Variants in PDE3A observed in about 807,000 individuals in gnomAD.
PDE3A encodes the protein cGMP-inhibited 3',5'-cyclic phosphodiesterase 3A.
PDE3A carries 43 observed loss-of-function variants against 98.3 expected under a neutral mutation model. The ratio of observed to expected loss-of-function variants is 0.44; its 90% CI spans 0.34 to 0.56. PDE3A has a LOEUF of 0.56. PDE3A is among the 20% of genes least tolerant of loss of function. The pLI is 0.01. For synonymous variants in PDE3A, 663 were observed against 567.9 expected (o/e 1.17, Z -2.38); for missense variants, 1,427 against 1,440.7 (o/e 0.99, Z 0.15).
intron 1 of PDE3A, among the ~76,000 whole-genome samples, chr12:20,409,196 T>A (rs1216036324): frequency 6.6e-6 from 1 of 152,222 alleles, no homozygotes; most frequent in African/African-American, 2.4e-5. Context: ...TAATATTTAA[T>A]AGAGTATTCA....
At chr12:20,582,547 A>T in intron 2 of PDE3A, among the ~76,000 whole-genome samples, 1 of 152,252 alleles carries the variant, frequency 6.6e-6, no homozygotes, top group South Asian at 2.1e-4. Context: ...ATATTGTAAT[A>T]AAATTATAGT....
rs77431662 is a variant in PDE3A, at chr12:20,494,451, A to G, written c.961-62209A>G. 1.0e-3 allele frequency among the ~76,000 whole-genome samples: 156 copies of G among 152,252 alleles called. 2 individuals are homozygous for G. In the East Asian group the frequency reaches 0.022, roughly 21 times the overall value. ...GTAATGTGGTCAGAGAAACATAATTATAGGTGAGTGACTTGAAACTCATGC... is the reference window on the plus strand; with the variant it reads ...GTAATGTGGTCAGAGAAACATAATTGTAGGTGAGTGACTTGAAACTCATGC... On this transcript the variant is annotated intron_variant, in intron 1 of 15. Coordinates refer to ENST00000359062, the MANE Select transcript of PDE3A (RefSeq NM_000921.5).
chr12:20,470,870 G>A (rs61912062), intron 1 of PDE3A, among the ~76,000 whole-genome samples: 43,467 of 151,352 alleles, frequency 0.29, 7,939 homozygotes, highest in East Asian at 0.66. Context: ...AGATGAGGTC[G>A]AGAGAGTGGG....
At position 20,552,140 on chromosome 12, in the gene PDE3A, C is replaced by A; in HGVS notation, c.961-4520C>A. On this transcript the variant is annotated intron_variant, in intron 1 of 15. Coordinates refer to ENST00000359062, the MANE Select transcript of PDE3A (RefSeq NM_000921.5). This position sits in a 1 kb window ranked among gnomAD's most constrained non-coding sequence, Gnocchi z 5.1. ...TCTTGTGATCAGAAACTCACCAACA[C>A]CAACAGGGCGCTGGCTCTCAACTGC... 2 of 1,613,670 alleles carry A rather than the reference C, an allele frequency of 1.2e-6. No homozygotes were observed. Among genetic ancestry groups the A allele is most frequent in the South Asian group, 1.1e-5 (1 of 91,052 alleles).
At chr12:20,430,644 A>C (rs1376101243) in intron 1 of PDE3A, among the ~76,000 whole-genome samples, 1 of 152,164 alleles carries the variant, frequency 6.6e-6, no homozygotes, top group Non-Finnish European at 1.5e-5. Flanking sequence ...AGCAAAGTTG[A>C]GATGGGCTAC....
chr12:20,605,411 C>G (rs1367417928), intron 2 of PDE3A, among the ~76,000 whole-genome samples: 8 of 152,162 alleles, frequency 5.3e-5, no homozygotes, highest in Non-Finnish European at 2.9e-5. Flanking sequence ...AAGGACTTTT[C>G]TAAGTCTACA....
intron 1 of PDE3A, among the ~76,000 whole-genome samples, chr12:20,387,275 A>G (rs1007622315): frequency 6.6e-6 from 1 of 151,992 alleles, no homozygotes; most frequent in Non-Finnish European, 1.5e-5. Context: ...TTGGTTTCAT[A>G]TGAATTTTAA....
chr12:20,462,983 G>T (rs1423655694), intron 1 of PDE3A, among the ~76,000 whole-genome samples: 2 of 151,944 alleles, frequency 1.3e-5, no homozygotes, highest in African/African-American at 4.8e-5. Flanking sequence ...TGTTGCCTAG[G>T]CTGGTCTCAA....
chr12:20,386,233 T>TAA (rs200241644), intron 1 of PDE3A, among the ~76,000 whole-genome samples: 8 of 83,154 alleles, frequency 9.6e-5, no homozygotes, highest in African/African-American at 3.4e-4. Context: ...AAAATAAAAA[T>TAA]ATAAATATAA....
In PDE3A at chr12:20,422,121, C is replaced by T. The variant is rs374775179; in HGVS notation, c.960+51877C>T. On this transcript the variant is annotated intron_variant, in intron 1 of 15. Transcript: ENST00000359062. ...TAGCACTTTGGGAGGCCGAGGTGGG[C>T]GGATCACTAGGTCAGGAGATCGAGA... Among the ~76,000 whole-genome samples the T allele has an allele frequency of 2.3e-3, 345 of 152,148 alleles. 1 individual carries two copies. Among genetic ancestry groups the T allele is most frequent in the African/African-American group, 7.3e-3 (302 of 41,526 alleles).
At chr12:20,504,519 A>G (rs1319618198) in intron 1 of PDE3A, among the ~76,000 whole-genome samples, 2 of 152,260 alleles carry the variant, frequency 1.3e-5, no homozygotes, top group South Asian at 2.1e-4. Flanking sequence ...TTATAATTCT[A>G]TATAACTATA....
chr12:20,373,376 G>A (rs1218261661), intron 1 of PDE3A, among the ~76,000 whole-genome samples: 1 of 152,044 alleles, frequency 6.6e-6, no homozygotes, highest in Non-Finnish European at 1.5e-5. Flanking sequence ...CGAAACATGG[G>A]AATATACAGA....
intron 1 of PDE3A, among the ~76,000 whole-genome samples, chr12:20,373,372 A>G (rs931884838): frequency 7.9e-5 from 12 of 152,116 alleles, no homozygotes; most frequent in African/African-American, 2.9e-4. Flanking sequence ...GGCCCGAAAC[A>G]TGGGAATATA....
chr12:20,679,775 C>T (rs914702654), intron 15 of PDE3A, among the ~76,000 whole-genome samples: 1 of 151,368 alleles, frequency 6.6e-6, no homozygotes, highest in African/African-American at 2.4e-5. Context: ...TAAATACTGT[C>T]CCTAGTTATT....
At chr12:20,477,462 C>T (rs925988340) in intron 1 of PDE3A, among the ~76,000 whole-genome samples, 2 of 152,110 alleles carry the variant, frequency 1.3e-5, no homozygotes, top group African/African-American at 4.8e-5. Flanking sequence ...TGAACCCCTG[C>T]TCTGTTGTTA....
intron 2 of PDE3A, among the ~76,000 whole-genome samples, chr12:20,562,219 C>CTTTTTT (rs138632511): frequency 8.8e-6 from 1 of 114,214 alleles, no homozygotes. Context: ...AGAAAATATG[C>CTTTTTT]TTTTTTTTTT....
chr12:20,404,826 G>GTTTTTTTTTTTTTTT (rs60736941), intron 1 of PDE3A, among the ~76,000 whole-genome samples: 3 of 95,106 alleles, frequency 3.2e-5, no homozygotes, highest in Admixed American at 2.7e-4. Flanking sequence ...AGGTTACAGA[G>GTTTTTTTTTTTTTTT]TTTTTTTTTT....
intron 1 of PDE3A, among the ~76,000 whole-genome samples, chr12:20,484,000 A>G (rs529622266): frequency 6.6e-6 from 1 of 152,224 alleles, no homozygotes; most frequent in African/African-American, 2.4e-5. Context: ...CTCCTCCCAT[A>G]TCCAACTGAC....
At chr12:20,564,365 C>T (rs1307946972) in intron 2 of PDE3A, among the ~76,000 whole-genome samples, 3 of 152,062 alleles carry the variant, frequency 2.0e-5, no homozygotes, top group Non-Finnish European at 4.4e-5. Context: ...AATCTTGACA[C>T]TTTATGTAGG....
Sources: gnomAD v4.1 joint callset for allele counts (sites outside exome capture counted in the v4.1 genomes callset) on GRCh38, gnomAD v4.1.1 for gene constraint, Gnocchi (gnomAD v3.1) non-coding constraint, MANE v1.5 for transcripts, NCBI Gene and HGNC (gene_info 2026-07-23, HGNC 2026-07-21) for gene names.